COBLL1: variants seen among roughly 807,000 people sequenced by gnomAD.
COBLL1 encodes cordon-bleu WH2 repeat protein like 1, also known as cordon-bleu protein-like 1.
A neutral mutation model predicts 94.8 loss-of-function variants in COBLL1; 50 were observed. That is an observed-to-expected ratio of 0.53 (90% confidence interval 0.42 to 0.67). COBLL1 has a LOEUF of 0.67. COBLL1 is among the 30% of genes least tolerant of loss of function. The pLI is 0.00. For missense variants in COBLL1, 1,362 were observed against 1,348.7 expected (o/e 1.01, Z -0.15); for synonymous variants, 448 against 473.8 (o/e 0.95, Z 0.71).
intron 2 of COBLL1, 137 bp from the exon 3 acceptor site, chr2:164,744,012 A>G (rs1686733289): frequency 3.3e-6 from 2 of 608,096 alleles, no homozygotes; most frequent in African/African-American, 1.9e-5. Context: ...GTTAACTGTT[A>G]GTGTTGGATG....
chr2:164,789,599 C>G (rs933393819), intron 2 of COBLL1, among the ~76,000 whole-genome samples: 9 of 152,214 alleles, frequency 5.9e-5, no homozygotes, highest in African/African-American at 2.2e-4. Flanking sequence ...TGTTAGAAAA[C>G]TTAGCTATTC....
At position 164,695,651 on chromosome 2, in the gene COBLL1, G is replaced by A. The variant is rs1413478745; in HGVS notation, c.1741C>T (p.Leu581=). ...DTAISYKENH[L]AASSVPDQKL... is the part of the protein sequence containing the mutation. ...TGATCTGGTACTGATGAAGCTGCTA[G>A]ATGGTTTTCCTTGTAACTTATAGCA... Residue 581 remains leucine, a synonymous_variant, in exon 12 of 14, where the codon CTA becomes TTA. Coordinates refer to ENST00000652658, the MANE Select transcript of COBLL1 (RefSeq NM_001365672.2). 5.6e-6 allele frequency: 9 copies of A among 1,613,858 alleles called. No individual in the cohort carries two copies. The highest frequency in any genetic ancestry group is 7.6e-6 in the Non-Finnish European group (9 of 1,179,862).
chr2:164,777,656 T>C (rs72882408), intron 2 of COBLL1, among the ~76,000 whole-genome samples: 2,362 of 152,270 alleles, frequency 0.016, 27 homozygotes, highest in South Asian at 0.027. Context: ...GTAAGCTTAA[T>C]ATCAGCTTGA....
chr2:164,776,104 C>T (rs1030609807), intron 2 of COBLL1, among the ~76,000 whole-genome samples: 20 of 150,912 alleles, frequency 1.3e-4, no homozygotes, highest in Non-Finnish European at 2.2e-4. Flanking sequence ...TCCAATTCAA[C>T]CCCCGGTCCT....
chr2:164,700,446 T>A, intron 10 of COBLL1, 76 bp downstream of exon 10: 3 of 877,110 alleles, frequency 3.4e-6, no homozygotes, highest in Non-Finnish European at 5.3e-6. Context: ...ATGTTTAAAA[T>A]ATCAGATCTA....
At chr2:164,724,366 A>G (rs1685613286) in intron 5 of COBLL1, 1 of 152,170 alleles carries the variant, frequency 6.6e-6, no homozygotes, top group Non-Finnish European at 1.5e-5. Context: ...AGATTTAACC[A>G]TCAATTTACA....
intron 9 of COBLL1, 50 bp from the exon 10 acceptor site, chr2:164,700,806 C>A (rs749548411): frequency 8.8e-7 from 1 of 1,135,716 alleles, no homozygotes; most frequent in South Asian, 1.4e-5. Context: ...CCTCATTCAT[C>A]ACATGCAATT....
At chr2:164,689,818 T>A (rs1011904273) in intron 13 of COBLL1, among the ~76,000 whole-genome samples, 9 of 152,172 alleles carry the variant, frequency 5.9e-5, no homozygotes, top group Non-Finnish European at 8.8e-5. Context: ...ATGGCCTACA[T>A]CAATAAGCCC....
At chr2:164,664,713 GA>G (rs1365996421) in intron 2 of COBLL1, among the ~76,000 whole-genome samples, 3 of 152,068 alleles carry the variant, frequency 2.0e-5, no homozygotes, top group Non-Finnish European at 2.9e-5. Flanking sequence ...TATTTATATT[GA>G]ATAAATAAAA....
rs530546369 is a variant in COBLL1 at position 164,799,150 on chromosome 2, A to G, written c.41+42006T>C. 2.3e-4 allele frequency among the ~76,000 whole-genome samples: 35 copies of G among 152,262 alleles called. No homozygotes were observed. In the Middle Eastern group the frequency reaches 0.02, roughly 89 times the overall value. The stretch of plus-strand genomic sequence containing the variant: ...GAATCTGAAAAGTAAATTGAAAAGC[A>G]GCTGAATAACTACTTTTCCCCTCCA... On this transcript the variant is annotated intron_variant, in intron 2 of 13. Coordinates refer to ENST00000652658, the MANE Select transcript of COBLL1 (RefSeq NM_001365672.2).
intron 1 of COBLL1, among the ~76,000 whole-genome samples, chr2:164,669,808 T>A (rs923741419): frequency 6.6e-6 from 1 of 152,362 alleles, no homozygotes; most frequent in East Asian, 1.9e-4. Context: ...TAAATGGGAA[T>A]AATAATAATG....
chr2:164,704,414 A>G (rs377500887), intron 9 of COBLL1, 30 bp downstream of exon 9: 2 of 1,425,032 alleles, frequency 1.4e-6, no homozygotes, highest in Non-Finnish European at 2.0e-6. Context: ...TTTTTCAGTA[A>G]TTACACCATG....
intron 2 of COBLL1, among the ~76,000 whole-genome samples, chr2:164,817,142 T>C (rs765645283): frequency 1.3e-5 from 2 of 152,156 alleles, no homozygotes; most frequent in Non-Finnish European, 1.5e-5. Context: ...GAGCAAGTGT[T>C]GCAGGTAGCA....
At chr2:164,805,122 G>T (rs968565950) in intron 2 of COBLL1, among the ~76,000 whole-genome samples, 1 of 150,808 alleles carries the variant, frequency 6.6e-6, no homozygotes, top group Non-Finnish European at 1.5e-5. Context: ...TAAATTTTTG[G>T]AGTAATTTTA....
intron 2 of COBLL1, among the ~76,000 whole-genome samples, chr2:164,660,653 C>T (rs897790425): frequency 7.9e-5 from 12 of 152,134 alleles, no homozygotes; most frequent in Non-Finnish European, 1.6e-4. Context: ...CAAGAGTTGA[C>T]TGGTACAGTT....
chr2:164,828,609 C>A (rs549414752), intron 2 of COBLL1, among the ~76,000 whole-genome samples: 2 of 152,224 alleles, frequency 1.3e-5, no homozygotes, highest in Admixed American at 6.5e-5. Context: ...TACGTACACC[C>A]ACTTGCTCAT....
intron 3 of COBLL1, chr2:164,743,056 A>G (rs1452308563): frequency 6.6e-6 from 1 of 152,150 alleles, no homozygotes; most frequent in Non-Finnish European, 1.5e-5. Flanking sequence ...AGGTATTTAA[A>G]AATACCAGTC....
At chr2:164,829,957 T>C (rs949729626) in intron 2 of COBLL1, among the ~76,000 whole-genome samples, 10 of 152,182 alleles carry the variant, frequency 6.6e-5, no homozygotes, top group Admixed American at 3.9e-4. Context: ...CATAGGTCCA[T>C]ATTGGTGTGA....
downstream of COBLL1, among the ~76,000 whole-genome samples, chr2:164,678,008 A>G (rs1691366362): frequency 6.6e-6 from 1 of 152,164 alleles, no homozygotes; most frequent in African/African-American, 2.4e-5. Context: ...GCATTCCCTC[A>G]GTTAACTGCT....
Sources: gnomAD v4.1 joint callset for allele counts (sites outside exome capture counted in the v4.1 genomes callset) on GRCh38, gnomAD v4.1.1 for gene constraint, MANE v1.5 for transcripts, NCBI Gene and HGNC (gene_info 2026-07-23, HGNC 2026-07-21) for gene names.